SPAG16: variants seen among roughly 807,000 people sequenced by gnomAD.
SPAG16 encodes sperm-associated antigen 16 protein.
Under a neutral mutation model 80.4 loss-of-function variants are expected in SPAG16, and 86 were observed. The observed-to-expected ratio is 1.07, with a 90% CI of 0.90 to 1.28. The LOEUF (loss-of-function observed/expected upper bound fraction) is 1.28, where lower values mean the gene tolerates loss of function less well. Ranked by LOEUF, SPAG16 falls within the 50% of genes most tolerant of loss-of-function variation. The probability of loss-of-function intolerance (pLI) is 0.00; values close to 1 mark genes in which losing one functional copy is unlikely to be tolerated. For synonymous variants in SPAG16, 294 were observed against 265.9 expected (o/e 1.11, Z -1.03); for missense variants, 870 against 765.3 (o/e 1.14, Z -1.61).
intron 10 of SPAG16, among the ~76,000 whole-genome samples, chr2:213,741,386 C>A (rs951622214): frequency 1.9e-4 from 29 of 152,040 alleles, no homozygotes; most frequent in Non-Finnish European, 4.0e-4. Context: ...TCTACCTCCC[C>A]AAGTCTGAGT....
At chr2:214,385,629 A>G (rs187293617) in intron 15 of SPAG16, among the ~76,000 whole-genome samples, 28 of 152,350 alleles carry the variant, frequency 1.8e-4, no homozygotes, top group African/African-American at 6.7e-4. Flanking sequence ...GGATCACATG[A>G]CGTCAGGAGT....
chr2:214,225,055 A>G lies in SPAG16; in HGVS notation c.1720+75789A>G, dbSNP rs200257075. On this transcript the variant is annotated intron_variant, in intron 15 of 15. Coordinates refer to ENST00000331683, the MANE Select transcript of SPAG16 (RefSeq NM_024532.5). ...GAGAAGGGTTCACGAATAAGGTAAC[A>G]TTTAAGCCATGCATATAGAAGAGAG... 3.9e-5 allele frequency among the ~76,000 whole-genome samples: 6 copies of G among 152,304 alleles called. No individual in the cohort carries two copies. In the East Asian group the frequency reaches 1.2e-3, roughly 29 times the overall value.
At chr2:214,052,000 T>C (rs2049672367) in intron 13 of SPAG16, among the ~76,000 whole-genome samples, 1 of 152,246 alleles carries the variant, frequency 6.6e-6, no homozygotes, top group Non-Finnish European at 1.5e-5. Flanking sequence ...TAATACTGCA[T>C]ATTAATAGAT....
chr2:213,329,182 G>T (rs1166682471), intron 5 of SPAG16, among the ~76,000 whole-genome samples: 1 of 152,218 alleles, frequency 6.6e-6, no homozygotes, highest in African/African-American at 2.4e-5. Context: ...TACCAGTATA[G>T]TGGGCATTGC....
chr2:213,437,093 A>T (rs1196734761), intron 9 of SPAG16, among the ~76,000 whole-genome samples: 1 of 152,002 alleles, frequency 6.6e-6, no homozygotes, highest in Non-Finnish European at 1.5e-5. Flanking sequence ...TTGTATTTTT[A>T]GCAGAGACAG....
intron 11 of SPAG16, among the ~76,000 whole-genome samples, chr2:213,870,547 TA>T (rs1212205798): frequency 3.3e-5 from 5 of 152,058 alleles, no homozygotes; most frequent in African/African-American, 1.2e-4. Context: ...TGTGGAAGAG[TA>T]TTTGCTCTGT....
At chr2:213,867,594 T>C (rs534620050) in intron 11 of SPAG16, among the ~76,000 whole-genome samples, 20 of 152,132 alleles carry the variant, frequency 1.3e-4, no homozygotes, top group Non-Finnish European at 2.4e-4. Flanking sequence ...TTAGCTATCA[T>C]CATATTTTTC....
chr2:213,356,829 T>C (rs1022647987), intron 7 of SPAG16, among the ~76,000 whole-genome samples: 2 of 152,212 alleles, frequency 1.3e-5, no homozygotes, highest in Middle Eastern at 3.4e-3. Context: ...TAGTTCTTTT[T>C]ATTGTGATGT....
intron 10 of SPAG16, among the ~76,000 whole-genome samples, chr2:213,825,639 A>G (rs971861673): frequency 1.3e-5 from 2 of 149,098 alleles, no homozygotes; most frequent in African/African-American, 4.9e-5. Context: ...TATTTTATTG[A>G]GGATTTTTGC....
At chr2:213,899,609 A>G (rs1362932246) in intron 11 of SPAG16, among the ~76,000 whole-genome samples, 1 of 152,092 alleles carries the variant, frequency 6.6e-6, no homozygotes. Context: ...ATGTTTTCAA[A>G]TTGTCACTAT....
rs756535779 is a variant in SPAG16, at chr2:213,296,116, A to G, written c.183+6A>G. The G allele has an allele frequency of 6.3e-7, 1 of 1,594,836 alleles. No individual in the cohort carries two copies. The highest frequency in any genetic ancestry group is 8.6e-7 in the Non-Finnish European group (1 of 1,164,028). ...ATGACTATGAATATGAAGAGGTAAC[A>G]TGTTAATTTTAGGTGTTTATTCTGT... On this transcript the variant is annotated splice_donor_region_variant and intron_variant, in intron 2 of 15. Transcript: ENST00000331683.
At position 213,982,351 on chromosome 2, in the gene SPAG16, G is replaced by A. The variant is rs535257723; in HGVS notation, c.1401-31600G>A. On this transcript the variant is annotated intron_variant, in intron 12 of 15. Coordinates refer to ENST00000331683, the MANE Select transcript of SPAG16 (RefSeq NM_024532.5). ...TCAAAACAACTCTGAGAGGTCAACT[G>A]TTTAATATGTTTAATGTAATATCTA... Among the ~76,000 whole-genome samples the A allele has an allele frequency of 2.1e-3, 315 of 151,750 alleles. 1 individual carries two copies. Among genetic ancestry groups the A allele is most frequent in the Middle Eastern group, 0.02 (6 of 294 alleles).
chr2:213,412,943 A>G (rs1475206221), intron 9 of SPAG16, among the ~76,000 whole-genome samples: 1 of 152,212 alleles, frequency 6.6e-6, no homozygotes, highest in African/African-American at 2.4e-5. Context: ...TAAATTGATA[A>G]TTTTAAAATC....
chr2:213,578,488 T>C (rs894055979), intron 10 of SPAG16, among the ~76,000 whole-genome samples: 7 of 152,172 alleles, frequency 4.6e-5, no homozygotes, highest in Non-Finnish European at 1.0e-4. Flanking sequence ...ATTGTAAAAG[T>C]TGAATATTAG....
At chr2:214,146,785 G>A (rs2055659654) in intron 14 of SPAG16, among the ~76,000 whole-genome samples, 1 of 152,082 alleles carries the variant, frequency 6.6e-6, no homozygotes, top group Non-Finnish European at 1.5e-5. Context: ...CAGATCATGA[G>A]GTCAGGAGAT....
intron 14 of SPAG16, among the ~76,000 whole-genome samples, chr2:214,129,388 T>C (rs938925655): frequency 1.3e-5 from 2 of 152,204 alleles, no homozygotes; most frequent in African/African-American, 2.4e-5. Context: ...TGCCCTTTGT[T>C]ACCTAATATG....
chr2:213,446,360 A>C lies in SPAG16; in HGVS notation c.943-43603A>C, dbSNP rs896329052. ...AAGCAAAATAGTAAAATGATTGAAG[A>C]GTTTAAAGATGGCATAGCCATTTTA... On this transcript the variant is annotated intron_variant, in intron 9 of 15. Transcript: ENST00000331683. 4.6e-5 allele frequency among the ~76,000 whole-genome samples: 7 copies of C among 152,350 alleles called. No homozygotes were observed. In the East Asian group the frequency reaches 1.4e-3, roughly 29 times the overall value.
At chr2:213,344,072 T>A (rs185380700) in intron 6 of SPAG16, among the ~76,000 whole-genome samples, 1 of 152,120 alleles carries the variant, frequency 6.6e-6, no homozygotes, top group Non-Finnish European at 1.5e-5. Context: ...ACTGTACTTA[T>A]TTTCTGTTCC....
chr2:213,862,718 T>C, intron 11 of SPAG16, 90 bp downstream of exon 11: 1 of 1,444,460 alleles, frequency 6.9e-7, no homozygotes. Flanking sequence ...TTTGATGATG[T>C]TTTTCTTTCT....
Sources: allele counts gnomAD v4.1 joint callset (sites outside exome capture counted in the v4.1 genomes callset), GRCh38; gene constraint gnomAD v4.1.1; transcripts MANE v1.5; gene names NCBI Gene and HGNC (gene_info 2026-07-23, HGNC 2026-07-21).